Variants in LINGO2 observed in about 807,000 individuals in gnomAD.
LINGO2 encodes leucine-rich repeat and immunoglobulin-like domain-containing nogo receptor-interacting protein 2.
LINGO2 carries 14 observed loss-of-function variants against 30.6 expected under a neutral mutation model. That is an observed-to-expected ratio of 0.46 (90% CI 0.30 to 0.72). LINGO2 has a LOEUF of 0.72. Ranked by LOEUF, LINGO2 falls within the 30% of genes least tolerant of loss-of-function variation. The pLI is 0.07. For synonymous variants in LINGO2, 317 were observed against 288.5 expected, an observed-to-expected ratio of 1.10 and a Z score of -1.00; for missense variants, 729 against 751.7, an observed-to-expected ratio of 0.97 and a Z score of 0.35.
the LINGO2 span, among the ~76,000 whole-genome samples, chr9:29,051,570 T>C: frequency 6.6e-6 from 1 of 152,198 alleles, no homozygotes; most frequent in East Asian, 1.9e-4. Context: ...TTCCCTAATG[T>C]CCAGACTTTT....
At chr9:28,458,959 T>G (rs1375332321) in intron 2 of LINGO2, among the ~76,000 whole-genome samples, 1 of 130,042 alleles carries the variant, frequency 7.7e-6, no homozygotes, top group Non-Finnish European at 1.6e-5. Context: ...GTTAAAGGTA[T>G]ATAGAGCCCA....
intron 1 of LINGO2, among the ~76,000 whole-genome samples, chr9:28,632,260 G>C (rs984969365): frequency 3.3e-5 from 5 of 151,974 alleles, no homozygotes; most frequent in Admixed American, 2.0e-4. Flanking sequence ...GTGGGAGAGA[G>C]CAATCAAATA....
chr9:28,763,173 GA>G, the LINGO2 span, among the ~76,000 whole-genome samples: 1 of 151,994 alleles, frequency 6.6e-6, no homozygotes, highest in Admixed American at 6.6e-5. Context: ...ACACAAATCA[GA>G]CTTGAATAAC....
At chr9:28,884,838 T>C in the LINGO2 span, among the ~76,000 whole-genome samples, 10 of 137,994 alleles carry the variant, frequency 7.2e-5, no homozygotes, top group African/African-American at 2.7e-4. Context: ...TTAGCAATTG[T>C]ATATATATAC....
chr9:28,150,135 G>A (rs1485001321), intron 4 of LINGO2, among the ~76,000 whole-genome samples: 1 of 148,524 alleles, frequency 6.7e-6, no homozygotes, highest in East Asian at 2.1e-4. Context: ...AAAGTGAGGA[G>A]CACCTCTGCC....
At chr9:28,921,207 A>T in the LINGO2 span, among the ~76,000 whole-genome samples, 1 of 152,206 alleles carries the variant, frequency 6.6e-6, no homozygotes, top group South Asian at 2.1e-4. Flanking sequence ...AGTTTCAGAG[A>T]CAAACATTTC....
intron 4 of LINGO2, among the ~76,000 whole-genome samples, chr9:28,014,533 C>T (rs565974222): frequency 6.6e-6 from 1 of 152,242 alleles, no homozygotes; most frequent in South Asian, 2.1e-4. Context: ...CCAACTGATA[C>T]ACTAGATAAA....
chr9:28,744,607 C>CGTGTGTGTGTGTGTG, the LINGO2 span, among the ~76,000 whole-genome samples: 9 of 107,934 alleles, frequency 8.3e-5, no homozygotes, highest in South Asian at 2.8e-4. Context: ...AGATATTCCC[C>CGTGTGTGTGTGTGTG]TCGTGTGTGT....
chr9:28,981,844 C>T, the LINGO2 span, among the ~76,000 whole-genome samples: 1 of 152,028 alleles, frequency 6.6e-6, no homozygotes, highest in Non-Finnish European at 1.5e-5. Flanking sequence ...AAGGAGTTTA[C>T]AAATCTGGGG....
the LINGO2 span, among the ~76,000 whole-genome samples, chr9:28,970,003 CA>C: frequency 6.6e-6 from 1 of 152,058 alleles, no homozygotes; most frequent in Non-Finnish European, 1.5e-5. Context: ...TATGATTCAT[CA>C]GCATATACTT....
At chr9:28,917,428 G>C in the LINGO2 span, among the ~76,000 whole-genome samples, 1 of 150,596 alleles carries the variant, frequency 6.6e-6, no homozygotes, top group Non-Finnish European at 1.5e-5. Context: ...AAAAAAAATT[G>C]TCATTAGAAT....
intron 5 of LINGO2, among the ~76,000 whole-genome samples, chr9:27,990,469 C>CCA (rs1554650650): frequency 4.0e-5 from 5 of 124,252 alleles, no homozygotes; most frequent in Non-Finnish European, 7.3e-5. Context: ...AATACCCCCC[C>CCA]CCCTTTTATT....
intron 2 of LINGO2, among the ~76,000 whole-genome samples, chr9:28,462,388 T>C (rs1404200906): frequency 1.8e-5 from 2 of 114,160 alleles, no homozygotes; most frequent in Admixed American, 1.1e-4. Context: ...GGTCACACAC[T>C]AGAATAACAT....
At chr9:29,147,821 A>T in the LINGO2 span, among the ~76,000 whole-genome samples, 1 of 152,122 alleles carries the variant, frequency 6.6e-6, no homozygotes, top group Non-Finnish European at 1.5e-5. Context: ...AAACCACTAC[A>T]AATTAAAACC....
intron 1 of LINGO2, among the ~76,000 whole-genome samples, chr9:28,512,837 C>T (rs1820466087): frequency 6.6e-6 from 1 of 151,284 alleles, no homozygotes. Context: ...AAGCATCTAG[C>T]ACGGGAGAAA....
chr9:28,559,415 A>G (rs114425668), intron 1 of LINGO2, among the ~76,000 whole-genome samples: 3,532 of 152,172 alleles, frequency 0.023, 145 homozygotes, highest in African/African-American at 0.08. Context: ...GTCTCTCTCC[A>G]GTGGCCTCAT....
chr9:28,762,391 G>A, the LINGO2 span, among the ~76,000 whole-genome samples: 5,832 of 152,022 alleles, frequency 0.038, 148 homozygotes, highest in East Asian at 0.074. Context: ...CCCCCAAGGT[G>A]CTCTTTAGGT....
chr9:28,965,716 T>C, the LINGO2 span, among the ~76,000 whole-genome samples: 1 of 152,118 alleles, frequency 6.6e-6, no homozygotes, highest in Non-Finnish European at 1.5e-5. Flanking sequence ...TGATTTTTAA[T>C]ACCTTAAACT....
At chr9:29,181,350 A>G in the LINGO2 span, among the ~76,000 whole-genome samples, 3 of 152,142 alleles carry the variant, frequency 2.0e-5, no homozygotes, top group Non-Finnish European at 4.4e-5. Flanking sequence ...TTAAAATTAT[A>G]TTTTCTATTA....
Sources: gnomAD v4.1 joint callset for allele counts (sites outside exome capture counted in the v4.1 genomes callset) on GRCh38, gnomAD v4.1.1 for gene constraint, MANE v1.5 for transcripts, NCBI Gene and HGNC (gene_info 2026-07-23, HGNC 2026-07-21) for gene names.